Variants in MRTFB observed in about 807,000 individuals in gnomAD.
The protein encoded by MRTFB is myocardin-related transcription factor B.
MRTFB carries 29 observed loss-of-function variants against 104.2 expected under a neutral mutation model. The ratio of observed to expected loss-of-function variants is 0.28; its 90% confidence interval spans 0.21 to 0.38. MRTFB has a LOEUF of 0.38. Ranked by LOEUF, MRTFB falls within the 10% of genes least tolerant of loss-of-function variation. The probability of loss-of-function intolerance (pLI) is 1.00; values close to 1 mark genes in which losing one functional copy is unlikely to be tolerated. For missense variants in MRTFB, 1,270 were observed against 1,341.6 expected (o/e 0.95, Z 0.83); for synonymous variants, 535 against 519.5 (o/e 1.03, Z -0.41).
Position 14,261,559 on chromosome 16 carries a change from C to A in MRTFB, c.*115C>A. 1.8e-6 allele frequency: 2 copies of A among 1,103,482 alleles called. No homozygotes were observed. Among genetic ancestry groups the A allele is most frequent in the Middle Eastern group, 3.1e-4 (1 of 3,272 alleles). 68.4% of individuals were successfully genotyped at this position (1,103,482 alleles called of 1,614,324 possible). A position where few individuals can be genotyped will look rare whatever the true frequency, so the allele number is the denominator to read the frequency against. Reference sequence around the variant, plus strand: ...TTGTTGCAATCAAAATATGTTGTCACAGAAAGAATAGGTGGAAGGTCATAG... The same window carrying A: ...TTGTTGCAATCAAAATATGTTGTCAAAGAAAGAATAGGTGGAAGGTCATAG... On this transcript the variant is annotated 3_prime_UTR_variant, in exon 17 of 17. Coordinates refer to ENST00000571589, the MANE Select transcript of MRTFB (RefSeq NM_001308142.2).
chr16:14,237,119 G>A (rs2042551299), intron 9 of MRTFB, among the ~76,000 whole-genome samples: 1 of 152,198 alleles, frequency 6.6e-6, no homozygotes. Flanking sequence ...ATAGATGAGT[G>A]CAGACCTTAG....
At chr16:14,080,219 T>C (rs900907802) in intron 2 of MRTFB, among the ~76,000 whole-genome samples, 8 of 152,360 alleles carry the variant, frequency 5.3e-5, no homozygotes, top group Non-Finnish European at 8.8e-5. Flanking sequence ...TGTTGAGACA[T>C]GGCTTACCTG....
At chr16:13,996,274 C>A in the MRTFB span, among the ~76,000 whole-genome samples, 1 of 139,126 alleles carries the variant, frequency 7.2e-6, no homozygotes, top group Non-Finnish European at 1.5e-5. Context: ...TCTGTCTCAA[C>A]AACAACAACA....
the MRTFB span, among the ~76,000 whole-genome samples, chr16:14,005,085 A>G: frequency 6.6e-6 from 1 of 152,194 alleles, no homozygotes; most frequent in Non-Finnish European, 1.5e-5. Flanking sequence ...ACACACCATC[A>G]TCCCATTCCT....
intron 3 of MRTFB, among the ~76,000 whole-genome samples, chr16:14,154,984 A>T (rs1170339588): frequency 6.6e-6 from 1 of 152,226 alleles, no homozygotes; most frequent in Non-Finnish European, 1.5e-5. Flanking sequence ...AAGGGAGAGG[A>T]TTATACAAGA....
chr16:14,060,408 T>A, the MRTFB span, among the ~76,000 whole-genome samples: 1 of 152,146 alleles, frequency 6.6e-6, no homozygotes, highest in Admixed American at 6.5e-5. Flanking sequence ...CACATCTATT[T>A]TTATTACAGG....
chr16:14,092,480 C>A (rs72783454), intron 2 of MRTFB, among the ~76,000 whole-genome samples: 8,840 of 152,148 alleles, frequency 0.058, 503 homozygotes, highest in East Asian at 0.3. Flanking sequence ...CAGATGTTGT[C>A]TAGACCTGTG....
At chr16:14,085,704 A>G (rs1382110369) in intron 2 of MRTFB, among the ~76,000 whole-genome samples, 1 of 152,164 alleles carries the variant, frequency 6.6e-6, no homozygotes, top group African/African-American at 2.4e-5. Context: ...ATGGTTGGTA[A>G]ATATTGTCAT....
intron 1 of MRTFB, among the ~76,000 whole-genome samples, chr16:14,072,462 TAGG>T (rs2033767666): frequency 6.6e-6 from 1 of 151,940 alleles, no homozygotes. Context: ...TAAAAAAAAT[TAGG>T]AGGAGCTATT....
chr16:14,145,273 A>G (rs1467865620), intron 3 of MRTFB, among the ~76,000 whole-genome samples: 1 of 152,100 alleles, frequency 6.6e-6, no homozygotes, highest in Non-Finnish European at 1.5e-5. Flanking sequence ...GAAATAAATG[A>G]ATTCAGATTT....
At chr16:14,241,223 G>A (rs572480590) in intron 10 of MRTFB, 1 of 158,842 alleles carries the variant, frequency 6.3e-6, no homozygotes, top group South Asian at 2.0e-4. Context: ...TGGAGACAAT[G>A]AAGAGCTCTG....
intron 3 of MRTFB, among the ~76,000 whole-genome samples, chr16:14,153,872 C>T (rs1000506499): frequency 6.6e-6 from 1 of 152,010 alleles, no homozygotes; most frequent in Non-Finnish European, 1.5e-5. Context: ...ATTTGTTCTA[C>T]CAATTAGAGA....
At chr16:14,152,222 G>GT (rs1412861243) in intron 3 of MRTFB, 7 of 151,760 alleles carry the variant, frequency 4.6e-5, no homozygotes, top group African/African-American at 1.2e-4. Flanking sequence ...TCTAAATTAA[G>GT]TTTTTTTCAT....
chr16:14,203,646 A>G (rs757766794), intron 3 of MRTFB, among the ~76,000 whole-genome samples: 4 of 152,040 alleles, frequency 2.6e-5, no homozygotes, highest in Admixed American at 6.6e-5. Context: ...TATTAAAAAT[A>G]CAACAGATTA....
chr16:14,201,159 G>T (rs1392291508), intron 3 of MRTFB, among the ~76,000 whole-genome samples: 4 of 152,176 alleles, frequency 2.6e-5, no homozygotes, highest in Non-Finnish European at 4.4e-5. Flanking sequence ...AGCAGTTGGG[G>T]CGAGAAAGTA....
chr16:14,196,891 T>G (rs1489329269), intron 3 of MRTFB, among the ~76,000 whole-genome samples: 1 of 151,958 alleles, frequency 6.6e-6, no homozygotes, highest in African/African-American at 2.4e-5. Flanking sequence ...CCTTGAAATA[T>G]AACCCAAAAT....
chr16:14,096,679 A>T (rs947523526), intron 2 of MRTFB, among the ~76,000 whole-genome samples: 2 of 152,206 alleles, frequency 1.3e-5, no homozygotes, highest in African/African-American at 4.8e-5. Context: ...TGTCACTTTC[A>T]TACTTGGTCT....
At chr16:14,117,385 C>A in intron 2 of MRTFB, among the ~76,000 whole-genome samples, 1 of 152,238 alleles carries the variant, frequency 6.6e-6, no homozygotes, top group African/African-American at 2.4e-5. Flanking sequence ...CCTACTCCTC[C>A]TATCCAGTCT....
the MRTFB span, among the ~76,000 whole-genome samples, chr16:14,042,177 G>A: frequency 6.6e-6 from 1 of 152,020 alleles, no homozygotes; most frequent in Admixed American, 6.5e-5. Context: ...CCAGGCTGGA[G>A]TGCAATGGCG....
Sources: allele counts gnomAD v4.1 joint callset (sites outside exome capture counted in the v4.1 genomes callset), GRCh38; gene constraint gnomAD v4.1.1; transcripts MANE v1.5; gene names NCBI Gene and HGNC (gene_info 2026-07-23, HGNC 2026-07-21).